Variants in KCNH1 observed in about 807,000 individuals in gnomAD.
The protein encoded by KCNH1 is voltage-gated delayed rectifier potassium channel KCNH1.
A neutral mutation model predicts 69.2 loss-of-function variants in KCNH1; 27 were observed. The observed-to-expected ratio is 0.39, with a 90% CI of 0.29 to 0.54. KCNH1 has a LOEUF of 0.54. KCNH1 is among the 20% of genes least tolerant of loss of function. The pLI, the probability that KCNH1 is intolerant of heterozygous loss-of-function variation, is 0.68. For missense variants in KCNH1, 798 were observed against 1,261.6 expected, an observed-to-expected ratio of 0.63 and a Z score of 5.57; for synonymous variants, 456 against 487.7, an observed-to-expected ratio of 0.93 and a Z score of 0.86.
intron 7 of KCNH1, among the ~76,000 whole-genome samples, chr1:210,822,499 T>G (rs1684949960): frequency 6.6e-6 from 1 of 152,204 alleles, no homozygotes; most frequent in South Asian, 2.1e-4. Context: ...TAACTCTTAT[T>G]GCCTGGGTTA....
intron 6 of KCNH1, among the ~76,000 whole-genome samples, chr1:210,980,457 T>A (rs924202330): frequency 2.6e-5 from 4 of 152,110 alleles, no homozygotes; most frequent in African/African-American, 4.8e-5. Context: ...TACCCTCCAA[T>A]GCACTAACAG....
rs536422151 is a variant in KCNH1, at chr1:210,919,839, T to G, written c.1263A>C (p.Gln421His). Residue 421 changes from glutamine to histidine, a missense_variant, in exon 7 of 11, where the codon CAA becomes CAC. By Grantham distance (24) the Gln-to-His change is conservative. Around this residue, in one of 4 missense-constraint regions of KCNH1, gnomAD observed 197 missense variants for 407.7 expected, o/e 0.48. Coordinates refer to ENST00000271751, the MANE Select transcript of KCNH1 (RefSeq NM_172362.3). This position sits in a 1 kb window ranked among gnomAD's most constrained non-coding sequence, Gnocchi z 4.2. ...AAGGGGTGCCAATGTCCATCGCTAG[T>G]TGGTACAGCCAGCTGTTGTTGCGGA... is the stretch of plus-strand genomic sequence containing the variant. ...KTIRNNSWLY[Q>H]LAMDIGTPYQ... 23 of 1,614,154 alleles carry G rather than the reference T, an allele frequency of 1.4e-5. 1 individual carries two copies. In the South Asian group the frequency reaches 1.8e-4, roughly 12 times the overall value.
chr1:210,683,851 G>A lies in KCNH1; in HGVS notation c.2400C>T (p.Phe800=), dbSNP rs1430299304. Residue 800 remains phenylalanine, a synonymous_variant, in exon 11 of 11, where the codon TTC becomes TTT. Coordinates refer to ENST00000271751, the MANE Select transcript of KCNH1 (RefSeq NM_172362.3). This position sits in a 1 kb window ranked among gnomAD's most constrained non-coding sequence, Gnocchi z 5.7. ...GCACCCCGGAGGTGGAGGCTGCCTGGAAGGATACGGGCGTGGCAGGACTCT... is the reference window on the plus strand; with the variant it reads ...GCACCCCGGAGGTGGAGGCTGCCTGAAAGGATACGGGCGTGGCAGGACTCT... ...VRESPATPVS[F]QAASTSGVPD... The A allele has an allele frequency of 6.2e-7, 1 of 1,614,132 alleles. No individual in the cohort carries two copies. The highest frequency in any genetic ancestry group is 1.1e-5 in the South Asian group (1 of 91,086).
intron 1 of KCNH1, among the ~76,000 whole-genome samples, chr1:211,130,709 A>G (rs191338320): frequency 1.3e-5 from 2 of 152,316 alleles, no homozygotes; most frequent in African/African-American, 4.8e-5. Flanking sequence ...CTTAAACTCT[A>G]AAATGGAGAG....
chr1:210,702,696 C>T (rs1681811537), intron 10 of KCNH1, among the ~76,000 whole-genome samples: 1 of 152,158 alleles, frequency 6.6e-6, no homozygotes, highest in Non-Finnish European at 1.5e-5. Flanking sequence ...AAGCCAACCC[C>T]CTGAATTTTA....
At chr1:211,077,998 A>T (rs2102463266) in intron 5 of KCNH1, among the ~76,000 whole-genome samples, 1 of 152,338 alleles carries the variant, frequency 6.6e-6, no homozygotes, top group East Asian at 1.9e-4. Context: ...ACTTTAAACC[A>T]ACAAACATCA....
In KCNH1 at chr1:211,090,582, A is replaced by G. The variant is rs1466551746; in HGVS notation, c.419T>C (p.Ile140Thr). The G allele has an allele frequency of 1.2e-6, 2 of 1,606,084 alleles. No homozygotes were observed. Among genetic ancestry groups the G allele is most frequent in the Non-Finnish European group, 1.7e-6 (2 of 1,178,402 alleles). Residue 140 changes from isoleucine (I) to threonine (T), a missense_variant, in exon 4 of 11, where the codon ATT becomes ACT. Coordinates refer to ENST00000271751, the MANE Select transcript of KCNH1 (RefSeq NM_172362.3). ...FSDITAFKQP[I>T]EDDSCKGWGK... is the part of the protein sequence containing the mutation. ...CAAACCTTTACATGAATCATCCTCA[A>G]TTGGCTGTTTGAAAGCTGTTATGTC...
At chr1:210,897,517 C>T (rs1219907756) in intron 7 of KCNH1, among the ~76,000 whole-genome samples, 1 of 152,128 alleles carries the variant, frequency 6.6e-6, no homozygotes, top group Admixed American at 6.5e-5. Context: ...GTGATGAGGA[C>T]ACCCCTGCCC....
chr1:210,901,163 G>GCACC (rs1686986667), intron 7 of KCNH1, among the ~76,000 whole-genome samples: 1 of 151,814 alleles, frequency 6.6e-6, no homozygotes, highest in Admixed American at 6.6e-5. Flanking sequence ...CCCCTAAATG[G>GCACC]CACCTCTACC....
At chr1:210,781,458 A>T (rs893702097) in intron 9 of KCNH1, among the ~76,000 whole-genome samples, 1 of 152,114 alleles carries the variant, frequency 6.6e-6, no homozygotes, top group African/African-American at 2.4e-5. Context: ...CATTCACTTC[A>T]TCAGGATGAT....
chr1:210,917,159 G>A (rs1687351065), intron 7 of KCNH1, among the ~76,000 whole-genome samples: 2 of 149,824 alleles, frequency 1.3e-5, no homozygotes, highest in Admixed American at 6.7e-5. Context: ...AAGAGAGAGA[G>A]AAAGAGAAGA....
intron 6 of KCNH1, among the ~76,000 whole-genome samples, chr1:210,958,570 T>A (rs1574361655): frequency 6.6e-6 from 1 of 152,366 alleles, no homozygotes; most frequent in African/African-American, 2.4e-5. Context: ...TTTGGTCTTT[T>A]CACATAGTCC....
chr1:211,053,749 C>T (rs943408345), intron 5 of KCNH1, among the ~76,000 whole-genome samples: 1 of 152,082 alleles, frequency 6.6e-6, no homozygotes, highest in Non-Finnish European at 1.5e-5. Flanking sequence ...TTAACCACCA[C>T]AATCAGATGC....
Position 210,731,300 on chromosome 1 carries a change from C to T in KCNH1, c.2112+44048G>A, listed in dbSNP as rs1574217960. 2.0e-5 allele frequency among the ~76,000 whole-genome samples: 3 copies of T among 152,192 alleles called. No individual in the cohort carries two copies. The South Asian group carries it at 6.2e-4, about 32-fold the overall frequency. On this transcript the variant is annotated intron_variant, in intron 10 of 10. Coordinates refer to ENST00000271751, the MANE Select transcript of KCNH1 (RefSeq NM_172362.3). ...GGAGTTAAAAAATGCTAGGTCTTAA[C>T]TTCACAGAGAAGTTAAAAAATTGGC...
At chr1:210,929,963 A>G (rs1460558040) in intron 6 of KCNH1, among the ~76,000 whole-genome samples, 1 of 152,182 alleles carries the variant, frequency 6.6e-6, no homozygotes, top group East Asian at 1.9e-4. Flanking sequence ...ACATAGGAAT[A>G]TACCTAACCA....
chr1:210,949,829 C>T (rs1688029643), intron 6 of KCNH1, among the ~76,000 whole-genome samples: 1 of 152,234 alleles, frequency 6.6e-6, no homozygotes, highest in Non-Finnish European at 1.5e-5. Context: ...GAGCCGCTCA[C>T]TCCAATTCCA....
chr1:211,101,444 CATT>C (rs1217111935), intron 3 of KCNH1, among the ~76,000 whole-genome samples: 1 of 152,206 alleles, frequency 6.6e-6, no homozygotes, highest in East Asian at 1.9e-4. Context: ...AAGAAAACAA[CATT>C]ATCTGCATCA....
chr1:210,704,182 C>G (rs1681847531), intron 10 of KCNH1, among the ~76,000 whole-genome samples: 1 of 152,074 alleles, frequency 6.6e-6, no homozygotes, highest in South Asian at 2.1e-4. Flanking sequence ...CTCTTCCTGC[C>G]CCTACTGTGA....
In KCNH1 at chr1:210,856,877, C is replaced by CTATATATATATATATATATATATA. The variant is rs150446990; in HGVS notation, c.1463-52712_1463-52711insTATATATATATATATATATATATA. On this transcript the variant is annotated intron_variant, in intron 7 of 10. Coordinates refer to ENST00000271751, the MANE Select transcript of KCNH1 (RefSeq NM_172362.3). The stretch of plus-strand genomic sequence containing the variant: ...TAACCCACTATATATATATAACCCA[C>CTATATATATATATATATATATATA]TATATATATATATATATATATAAAA... Among the ~76,000 whole-genome samples the CTATATATATATATATATATATATA allele has an allele frequency of 6.7e-4, 68 of 101,678 alleles. 1 individual carries two copies. The highest frequency in any genetic ancestry group is 4.3e-3 in the Middle Eastern group (1 of 232). 66.7% of individuals were successfully genotyped at this position (101,678 alleles called of 152,430 possible). A position where few individuals can be genotyped will look rare whatever the true frequency, so the allele number is the denominator to read the frequency against.
Sources: allele counts gnomAD v4.1 joint callset (sites outside exome capture counted in the v4.1 genomes callset), GRCh38; gene constraint gnomAD v4.1.1; regional missense constraint gnomAD v4.1.1; non-coding constraint Gnocchi (gnomAD v3.1); transcripts MANE v1.5; gene names NCBI Gene and HGNC (gene_info 2026-07-23, HGNC 2026-07-21).